PCDHA8: variants seen among roughly 807,000 people sequenced by gnomAD.
PCDHA8 encodes the protein protocadherin alpha 8.
A neutral mutation model predicts 61.8 loss-of-function variants in PCDHA8; 53 were observed. The ratio of observed to expected loss-of-function variants is 0.86; its 90% CI spans 0.69 to 1.08. PCDHA8 has a LOEUF of 1.08. Among genes scored for constraint, PCDHA8 ranks in the 50% least tolerant of loss-of-function variants. The pLI is 0.00. For missense variants in PCDHA8, 1,293 were observed against 1,245.0 expected (o/e 1.04, Z -0.58); for synonymous variants, 618 against 556.6 (o/e 1.11, Z -1.55).
intron 1 of PCDHA8, among the ~76,000 whole-genome samples, chr5:140,935,798 G>T (rs1302798386): frequency 6.6e-6 from 1 of 151,552 alleles, no homozygotes; most frequent in Non-Finnish European, 1.5e-5. Context: ...ATATAAACGA[G>T]ATTATTTCAT....
intron 3 of PCDHA8, among the ~76,000 whole-genome samples, chr5:141,000,339 A>ATC (rs1414297743): frequency 9.8e-6 from 1 of 102,338 alleles, no homozygotes; most frequent in Non-Finnish European, 2.1e-5. Context: ...GCAAGGCCCT[A>ATC]TCTCTCTCTC....
At chr5:140,927,754 C>T (rs1554205003) in intron 1 of PCDHA8, 1 of 1,614,030 alleles carries the variant, frequency 6.2e-7, no homozygotes, top group African/African-American at 1.3e-5. Flanking sequence ...TCACGTGCAC[C>T]CTAAAAGTGG....
At chr5:140,967,989 T>G (rs781892084) in intron 1 of PCDHA8, 2 of 1,614,228 alleles carry the variant, frequency 1.2e-6, no homozygotes, top group Non-Finnish European at 1.7e-6. Flanking sequence ...GAGGCCACAC[T>G]GCCTTTCCGA....
At chr5:140,994,163 G>A (rs2097601451) in intron 3 of PCDHA8, among the ~76,000 whole-genome samples, 1 of 152,200 alleles carries the variant, frequency 6.6e-6, no homozygotes, top group African/African-American at 2.4e-5. Flanking sequence ...CAACGAAGGG[G>A]AAGGAAGCTG....
rs2150314878 is a variant in PCDHA8, at chr5:140,841,412, C to T, written c.91C>T (p.Leu31Phe). Reference sequence around the variant, plus strand: ...AGCCTGGAAGGTGGGGAGCGGCCAGCTCCACTACTCCGTCCCCGAGGAGGC... The same window carrying T: ...AGCCTGGAAGGTGGGGAGCGGCCAGTTCCACTACTCCGTCCCCGAGGAGGC... ...LAAWKVGSGQ[L>F]HYSVPEEAKH... The change falls in exon 1 of 4, where the codon CTC becomes TTC. Residue 31 changes from leucine to phenylalanine, a missense_variant. Transcript: ENST00000531613. 6.2e-7 allele frequency: 1 copy of T among 1,613,052 alleles called. No individual in the cohort carries two copies. The highest frequency in any genetic ancestry group is 1.7e-5 in the Admixed American group (1 of 60,004).
intron 3 of PCDHA8, among the ~76,000 whole-genome samples, chr5:140,985,189 G>A (rs1440212716): frequency 3.3e-5 from 5 of 152,004 alleles, no homozygotes; most frequent in African/African-American, 9.7e-5. Context: ...CGCCTGCCTC[G>A]GTCTCCCAAA....
chr5:140,989,788 G>GC (rs1331311072), intron 3 of PCDHA8, among the ~76,000 whole-genome samples: 30 of 152,276 alleles, frequency 2.0e-4, no homozygotes, highest in African/African-American at 4.6e-4. Context: ...GAGACTAGAG[G>GC]CCCCCAGGAA....
intron 1 of PCDHA8, among the ~76,000 whole-genome samples, chr5:140,910,047 A>G (rs1454501128): frequency 2.0e-5 from 3 of 152,208 alleles, no homozygotes; most frequent in African/African-American, 4.8e-5. Context: ...CTTGGTCATA[A>G]TAAGTGATCT....
At chr5:140,856,703 C>T (rs1413055800) in intron 1 of PCDHA8, 1 of 1,596,452 alleles carries the variant, frequency 6.3e-7, no homozygotes, top group Non-Finnish European at 8.6e-7. Context: ...TGGAGGCAAA[C>T]CTGAATTTAC....
intron 1 of PCDHA8, among the ~76,000 whole-genome samples, chr5:140,921,089 T>C (rs2080011859): frequency 6.6e-6 from 1 of 151,966 alleles, no homozygotes; most frequent in African/African-American, 2.4e-5. Context: ...AAGAGAATCC[T>C]CCTGCCTCAG....
Position 141,010,907 on chromosome 5 carries a change from C to G in PCDHA8, c.*970C>G, listed in dbSNP as rs2098418753. 6.5e-6 allele frequency: 1 copy of G among 153,766 alleles called. No individual in the cohort carries two copies. 9.5% of individuals were successfully genotyped at this position (153,766 alleles called of 1,614,324 possible). A position where few individuals can be genotyped will look rare whatever the true frequency, so the allele number is the denominator to read the frequency against. ...GAAATATGAATACAATTCCCCTAAACTCTCCTCAAAAGAGAATTCAGTCTA... is the reference window on the plus strand; with the variant it reads ...GAAATATGAATACAATTCCCCTAAAGTCTCCTCAAAAGAGAATTCAGTCTA... On this transcript the variant is annotated 3_prime_UTR_variant, in exon 4 of 4. Coordinates refer to ENST00000531613, the MANE Select transcript of PCDHA8 (RefSeq NM_018911.3).
At chr5:140,880,009 T>C (rs2058206618) in intron 1 of PCDHA8, among the ~76,000 whole-genome samples, 1 of 152,232 alleles carries the variant, frequency 6.6e-6, no homozygotes, top group African/African-American at 2.4e-5. Context: ...TTATTCACCA[T>C]ATAAAGTAAA....
intron 1 of PCDHA8, chr5:140,866,411 A>G (rs2049340937): frequency 6.6e-6 from 1 of 152,118 alleles, no homozygotes; most frequent in African/African-American, 2.4e-5. Context: ...GAAAATCTTC[A>G]AATGTGTGTA....
chr5:140,942,769 T>A (rs1554215212), intron 1 of PCDHA8, among the ~76,000 whole-genome samples: 1 of 152,202 alleles, frequency 6.6e-6, no homozygotes, highest in Non-Finnish European at 1.5e-5. Flanking sequence ...GCATAATGTA[T>A]TTTTAGGCAG....
At position 140,842,145 on chromosome 5, in the gene PCDHA8, G is replaced by A. The variant is rs2150330392; in HGVS notation, c.824G>A (p.Gly275Glu). The change falls in exon 1 of 4, where the codon GGG becomes GAG. Residue 275 changes from glycine to glutamate, a missense_variant. By Grantham distance (98) the Gly-to-Glu change is moderately conservative. Coordinates refer to ENST00000531613, the MANE Select transcript of PCDHA8 (RefSeq NM_018911.3). ...TCTGATCCGGATGAAGGAGCCAATGGGGCAATTTCATATTCTTTTAATAGC... is the reference window on the plus strand; with the variant it reads ...TCTGATCCGGATGAAGGAGCCAATGAGGCAATTTCATATTCTTTTAATAGC... ...NASDPDEGAN[G>E]AISYSFNSLV... The A allele has an allele frequency of 3.8e-5, 62 of 1,613,828 alleles. 1 individual carries two copies. The East Asian group carries it at 1.3e-3, about 35-fold the overall frequency.
chr5:140,851,939 T>C lies in PCDHA8; in HGVS notation c.2394+8224T>C, dbSNP rs1034912000. ...ATGTTATGTTTCCTGAATTGTAGTATGTGACTTTCAAAATGGTGGTTTTCC... is the reference window on the plus strand; with the variant it reads ...ATGTTATGTTTCCTGAATTGTAGTACGTGACTTTCAAAATGGTGGTTTTCC... On this transcript the variant is annotated intron_variant, in intron 1 of 3. Transcript: ENST00000531613. The C allele has an allele frequency of 2.2e-4, 214 of 966,074 alleles. 16 individuals carry two copies. The highest frequency in any genetic ancestry group is 1.3e-3 in the Admixed American group (21 of 15,930). The allele number at this position is 966,074 out of a possible 1,614,324, so 59.8% of individuals were successfully genotyped here.
chr5:141,009,852 A>G lies in PCDHA8; in HGVS notation c.2768A>G (p.Lys923Arg), dbSNP rs1554262492. The G allele has an allele frequency of 6.2e-7, 1 of 1,614,074 alleles. No homozygotes were observed. Among genetic ancestry groups the G allele is most frequent in the East Asian group, 2.2e-5 (1 of 44,874 alleles). ...FITFGKKEET[K>R]KKKKKKKGNK... ...ACCTTCGGCAAAAAGGAGGAGACCA[A>G]GAAAAAGAAGAAAAAGAAGAAGGGT... Residue 923 changes from lysine (K) to arginine (R), a missense_variant, in exon 4 of 4, where the codon AAG becomes AGG. Physicochemically the swap from Lys to Arg is conservative, Grantham distance 26. Coordinates refer to ENST00000531613, the MANE Select transcript of PCDHA8 (RefSeq NM_018911.3).
In PCDHA8 at chr5:140,849,693, A is replaced by C. The variant is rs2150445321; in HGVS notation, c.2394+5978A>C. 85 of 1,598,584 alleles carry C rather than the reference A, an allele frequency of 5.3e-5. 3 individuals are homozygous for C. The East Asian group carries it at 1.1e-3, about 21-fold the overall frequency. On this transcript the variant is annotated intron_variant, in intron 1 of 3. Coordinates refer to ENST00000531613, the MANE Select transcript of PCDHA8 (RefSeq NM_018911.3). ...CCACGTCCCCTTCAAGCTGGTGTCC[A>C]CCTACAAGAATTACTACTCGTTGGT...
intron 1 of PCDHA8, chr5:140,851,477 T>A: frequency 1.1e-6 from 1 of 890,896 alleles, no homozygotes; most frequent in Non-Finnish European, 1.4e-6. Flanking sequence ...ATAAATGTTA[T>A]AAACACAGCC....
Sources: allele counts gnomAD v4.1 joint callset (sites outside exome capture counted in the v4.1 genomes callset), GRCh38; gene constraint gnomAD v4.1.1; transcripts MANE v1.5; gene names NCBI Gene and HGNC (gene_info 2026-07-23, HGNC 2026-07-21).